Variants in NRG3 observed in about 807,000 individuals in gnomAD.
NRG3 encodes neuregulin 3.
A neutral mutation model predicts 66.9 loss-of-function variants in NRG3; 31 were observed. That is an observed-to-expected ratio of 0.46 (90% CI 0.35 to 0.63). The LOEUF (loss-of-function observed/expected upper bound fraction) is 0.63. Ranked by LOEUF, NRG3 falls within the 20% of genes least tolerant of loss-of-function variation. The pLI is 0.00. For synonymous variants in NRG3, 393 were observed against 359.4 expected (o/e 1.09, Z -1.06); for missense variants, 910 against 878.9 (o/e 1.04, Z -0.45).
At chr10:82,697,134 A>G (rs1375534110) in intron 2 of NRG3, among the ~76,000 whole-genome samples, 2 of 152,170 alleles carry the variant, frequency 1.3e-5, no homozygotes, top group Non-Finnish European at 2.9e-5. Flanking sequence ...GGTCTTATAA[A>G]TTGCTCCTGT....
intron 7 of NRG3, among the ~76,000 whole-genome samples, chr10:82,976,258 G>A (rs1326526583): frequency 6.6e-6 from 1 of 152,104 alleles, no homozygotes; most frequent in Non-Finnish European, 1.5e-5. Flanking sequence ...GTTTCACCAT[G>A]TTGGCCAGGC....
At chr10:82,771,487 G>T (rs2059709685) in intron 3 of NRG3, among the ~76,000 whole-genome samples, 1 of 152,120 alleles carries the variant, frequency 6.6e-6, no homozygotes, top group Non-Finnish European at 1.5e-5. Flanking sequence ...CTCATTTACT[G>T]TGGACTCGTG....
chr10:82,058,320 A>G (rs1159579521), intron 1 of NRG3, among the ~76,000 whole-genome samples: 1 of 151,924 alleles, frequency 6.6e-6, no homozygotes, highest in African/African-American at 2.4e-5. Context: ...AAGTTTTTAT[A>G]TAGTCAAATA....
At chr10:82,068,976 TTTGAG>T (rs1216572032) in intron 1 of NRG3, among the ~76,000 whole-genome samples, 1 of 152,206 alleles carries the variant, frequency 6.6e-6, no homozygotes, top group Non-Finnish European at 1.5e-5. Flanking sequence ...AAGAATTGTA[TTTGAG>T]TTAACAGCAT....
Position 82,683,020 on chromosome 10 carries a change from A to G in NRG3, c.954-55557A>G, listed in dbSNP as rs1333843618. Among the ~76,000 whole-genome samples, 4 of 133,790 alleles carry G rather than the reference A, an allele frequency of 3.0e-5. No homozygotes were observed. In the East Asian group the frequency reaches 7.0e-4, roughly 24 times the overall value. The allele number at this position is 133,790 out of a possible 152,430, so 87.8% of individuals were successfully genotyped here. A position where few individuals can be genotyped will look rare whatever the true frequency, so the allele number is the denominator to read the frequency against. On this transcript the variant is annotated intron_variant, in intron 2 of 8. Coordinates refer to ENST00000372141, the MANE Select transcript of NRG3 (RefSeq NM_001010848.4). ...GTCGCCCAGGCTGGAGTGCAGTGGC[A>G]CGATCTCAGCTCACTGCAATCTCTG...
intron 1 of NRG3, among the ~76,000 whole-genome samples, chr10:82,062,846 C>G (rs980916491): frequency 7.9e-5 from 12 of 152,164 alleles, no homozygotes; most frequent in African/African-American, 2.9e-4. Flanking sequence ...TGGTCTTTTT[C>G]CTTGCTGTGT....
intron 4 of NRG3, among the ~76,000 whole-genome samples, chr10:82,896,084 G>A (rs1323555502): frequency 6.6e-6 from 1 of 152,194 alleles, no homozygotes; most frequent in Non-Finnish European, 1.5e-5. Context: ...TGGTGTTTAA[G>A]AAATGGAGAC....
At chr10:82,249,607 G>C (rs2077395918) in intron 1 of NRG3, among the ~76,000 whole-genome samples, 1 of 152,168 alleles carries the variant, frequency 6.6e-6, no homozygotes, top group Non-Finnish European at 1.5e-5. Flanking sequence ...TGACCCACTT[G>C]TCTGCCAGAA....
intron 2 of NRG3, among the ~76,000 whole-genome samples, chr10:82,423,512 G>A (rs1428517800): frequency 3.3e-5 from 5 of 151,846 alleles, no homozygotes; most frequent in Non-Finnish European, 7.4e-5. Flanking sequence ...AAGATTTAAA[G>A]TGTTCTTAAT....
chr10:82,730,411 A>G (rs2057841296), intron 2 of NRG3, among the ~76,000 whole-genome samples: 1 of 152,168 alleles, frequency 6.6e-6, no homozygotes, highest in Admixed American at 6.5e-5. Flanking sequence ...AAAATTTAAG[A>G]TATAATTCCA....
At chr10:82,438,524 A>T (rs934799876) in intron 2 of NRG3, among the ~76,000 whole-genome samples, 1 of 152,228 alleles carries the variant, frequency 6.6e-6, no homozygotes, top group Non-Finnish European at 1.5e-5. Flanking sequence ...CAAGGAGCTT[A>T]AACCACTTAG....
At chr10:82,782,185 T>C in intron 3 of NRG3, among the ~76,000 whole-genome samples, 1 of 152,180 alleles carries the variant, frequency 6.6e-6, no homozygotes, top group East Asian at 1.9e-4. Context: ...TTGAGGTTTT[T>C]AAAGAGATGA....
chr10:82,721,082 TTTTG>T (rs1022204720), intron 2 of NRG3, among the ~76,000 whole-genome samples: 20 of 150,198 alleles, frequency 1.3e-4, no homozygotes, highest in East Asian at 3.9e-4. Context: ...ATTTATTTGT[TTTTG>T]TTTGTTTGTT....
chr10:81,883,965 G>C (rs2132498755), intron 1 of NRG3, among the ~76,000 whole-genome samples: 1 of 152,284 alleles, frequency 6.6e-6, no homozygotes, highest in East Asian at 1.9e-4. Context: ...TGGGCATGTA[G>C]CACTGTACAT....
At chr10:82,932,586 C>T (rs1847678908) in intron 4 of NRG3, among the ~76,000 whole-genome samples, 3 of 152,086 alleles carry the variant, frequency 2.0e-5, no homozygotes. Context: ...GACTGGGGCT[C>T]TCTGTGGCCA....
At chr10:82,864,741 C>T (rs1169916935) in intron 3 of NRG3, among the ~76,000 whole-genome samples, 3 of 152,244 alleles carry the variant, frequency 2.0e-5, no homozygotes, top group Admixed American at 2.0e-4. Context: ...CATGGACACA[C>T]ATATTTGTGT....
intron 2 of NRG3, among the ~76,000 whole-genome samples, chr10:82,441,840 C>G (rs1465101130): frequency 1.3e-5 from 2 of 152,210 alleles, no homozygotes; most frequent in East Asian, 3.9e-4. Flanking sequence ...CACCAGGAGG[C>G]TCTCTTACTA....
At chr10:82,856,735 C>T (rs1319649948) in intron 3 of NRG3, among the ~76,000 whole-genome samples, 1 of 109,064 alleles carries the variant, frequency 9.2e-6, no homozygotes, top group Non-Finnish European at 1.7e-5. Context: ...CAGAGCAAGA[C>T]TCTGTCTCAA....
chr10:82,392,879 CATAT>C (rs149089994), intron 2 of NRG3, among the ~76,000 whole-genome samples: 3 of 122,286 alleles, frequency 2.5e-5, no homozygotes, highest in Admixed American at 7.8e-5. Flanking sequence ...GAGGTGAGGT[CATAT>C]ATATATATAT....
Sources: allele counts gnomAD v4.1 joint callset (sites outside exome capture counted in the v4.1 genomes callset), GRCh38; gene constraint gnomAD v4.1.1; transcripts MANE v1.5; gene names NCBI Gene and HGNC (gene_info 2026-07-23, HGNC 2026-07-21).